The following ADGRL2 variants were observed in gnomAD, a reference collection of about 807,000 sequenced individuals.
ADGRL2 encodes the protein calcium-independent alpha-latrotoxin receptor 2.
ADGRL2 carries 44 observed loss-of-function variants against 157.4 expected under a neutral mutation model. The ratio of observed to expected loss-of-function variants is 0.28; its 90% confidence interval spans 0.22 to 0.36. The LOEUF (loss-of-function observed/expected upper bound fraction) is 0.36. Among genes scored for constraint, ADGRL2 ranks in the 10% least tolerant of loss-of-function variants. The probability of loss-of-function intolerance (pLI) is 1.00; values close to 1 mark genes in which losing one functional copy is unlikely to be tolerated. For missense variants in ADGRL2, 1,510 were observed against 1,768.9 expected, an observed-to-expected ratio of 0.85 and a Z score of 2.63; for synonymous variants, 585 against 624.7, an observed-to-expected ratio of 0.94 and a Z score of 0.95.
intron 3 of ADGRL2, among the ~76,000 whole-genome samples, chr1:81,648,744 C>T (rs150499154): frequency 2.3e-4 from 35 of 152,220 alleles, no homozygotes; most frequent in African/African-American, 8.4e-4. Flanking sequence ...TTCATTCTAA[C>T]CAACCCATTT....
chr1:81,327,883 C>T (rs1238594580), intron 1 of ADGRL2, among the ~76,000 whole-genome samples: 1 of 152,026 alleles, frequency 6.6e-6, no homozygotes, highest in Admixed American at 6.6e-5. Flanking sequence ...TGGACAAGGC[C>T]CATTAGTTGC....
chr1:81,720,467 C>T (rs866160334), intron 1 of ADGRL2, among the ~76,000 whole-genome samples: 7 of 151,968 alleles, frequency 4.6e-5, no homozygotes, highest in South Asian at 2.1e-4. Context: ...TCACTGCGCC[C>T]GGCCAAAGCA....
intron 3 of ADGRL2, among the ~76,000 whole-genome samples, chr1:81,673,367 C>G (rs2082913249): frequency 1.3e-5 from 2 of 152,010 alleles, no homozygotes; most frequent in Non-Finnish European, 1.5e-5. Flanking sequence ...CTGTATTTCT[C>G]TAGTCAGAAT....
intron 1 of ADGRL2, among the ~76,000 whole-genome samples, chr1:81,835,326 G>T (rs919219470): frequency 6.6e-6 from 1 of 152,002 alleles, no homozygotes; most frequent in Non-Finnish European, 1.5e-5. Context: ...TCAGATCATC[G>T]AACAGACTGT....
intron 17 of ADGRL2, among the ~76,000 whole-genome samples, chr1:81,974,216 G>A (rs986619746): frequency 1.3e-5 from 2 of 152,106 alleles, no homozygotes; most frequent in Admixed American, 1.3e-4. Context: ...TCCTACTTCT[G>A]CATTTCTATA....
chr1:81,344,930 A>G (rs80314353), intron 1 of ADGRL2, among the ~76,000 whole-genome samples: 1 of 152,172 alleles, frequency 6.6e-6, no homozygotes, highest in South Asian at 2.1e-4. Flanking sequence ...TCATTCATCA[A>G]TAATAAATTC....
Position 81,991,667 on chromosome 1 carries a change from A to G in ADGRL2, c.*522A>G, listed in dbSNP as rs1664612176. On this transcript the variant is annotated 3_prime_UTR_variant, in exon 24 of 24. Coordinates refer to ENST00000686636, the MANE Select transcript of ADGRL2 (RefSeq NM_001366006.2). ...TCTTTTACATTAAGGCAAAGATTGA[A>G]AACATGCTTAACCACTAGCAATCAA... 1 of 153,244 alleles carries G rather than the reference A, an allele frequency of 6.5e-6. No homozygotes were observed. The highest frequency in any genetic ancestry group is 2.4e-5 in the African/African-American group (1 of 41,466). 9.5% of individuals were successfully genotyped at this position (153,244 alleles called of 1,614,324 possible).
In ADGRL2 at chr1:81,722,434, C is replaced by A. The variant is rs76632742; in HGVS notation, c.-143+22626C>A. 3,274 of 1,191,132 alleles carry A rather than the reference C, an allele frequency of 2.7e-3. 62 individuals carry two copies. The African/African-American group carries it at 0.044, about 16-fold the overall frequency. 73.8% of individuals were successfully genotyped at this position (1,191,132 alleles called of 1,614,324 possible). A position where few individuals can be genotyped will look rare whatever the true frequency, so the allele number is the denominator to read the frequency against. On this transcript the variant is annotated intron_variant, in intron 1 of 20. Transcript: ENST00000359929. ...CAAATGCCATTAAGCTGAATTTGCG[C>A]TTGGCCGTTTTGTATGCCAAGAGGG...
At chr1:81,852,223 TG>T (rs2093038624) in intron 2 of ADGRL2, among the ~76,000 whole-genome samples, 1 of 152,094 alleles carries the variant, frequency 6.6e-6, no homozygotes, top group Non-Finnish European at 1.5e-5. Context: ...GGTTTACATT[TG>T]TTTTAGAAAG....
intron 2 of ADGRL2, among the ~76,000 whole-genome samples, chr1:81,561,654 T>G (rs2080445543): frequency 6.6e-6 from 1 of 152,010 alleles, no homozygotes; most frequent in African/African-American, 2.4e-5. Context: ...GAGACAGGGT[T>G]TCACCATGTT....
chr1:81,676,001 GTTTTTTGTTTTT>G (rs562516341), intron 3 of ADGRL2, among the ~76,000 whole-genome samples: 111 of 152,092 alleles, frequency 7.3e-4, no homozygotes, highest in Non-Finnish European at 1.5e-3. Flanking sequence ...TTTTTGTCTT[GTTTTTTGTTTTT>G]GTTTTGAGAC....
At chr1:81,346,622 C>T (rs1227763700) in intron 1 of ADGRL2, among the ~76,000 whole-genome samples, 2 of 152,160 alleles carry the variant, frequency 1.3e-5, no homozygotes, top group Admixed American at 6.5e-5. Flanking sequence ...CTCACTTTCT[C>T]TCCCCACTCC....
At chr1:81,393,762 A>G (rs1408090207) in intron 1 of ADGRL2, among the ~76,000 whole-genome samples, 1 of 152,082 alleles carries the variant, frequency 6.6e-6, no homozygotes, top group African/African-American at 2.4e-5. Context: ...ATAATAAATA[A>G]ACCTTAAACA....
intron 2 of ADGRL2, among the ~76,000 whole-genome samples, chr1:81,541,133 C>T (rs2079873910): frequency 6.6e-6 from 1 of 152,246 alleles, no homozygotes; most frequent in East Asian, 1.9e-4. Context: ...AATAATCTTA[C>T]AAGAACTTCT....
chr1:81,649,096 A>G (rs2082364647), intron 3 of ADGRL2, among the ~76,000 whole-genome samples: 1 of 152,124 alleles, frequency 6.6e-6, no homozygotes, highest in African/African-American at 2.4e-5. Flanking sequence ...AAGGAAGTTC[A>G]TTTTGGAACT....
At chr1:81,696,225 T>A (rs1235356415), upstream of ADGRL2, among the ~76,000 whole-genome samples, 1 of 152,174 alleles carries the variant, frequency 6.6e-6, no homozygotes, top group Non-Finnish European at 1.5e-5. Context: ...CTATGTAGAT[T>A]TTTTTTTCAA....
chr1:81,388,926 G>A (rs144308423), intron 1 of ADGRL2, among the ~76,000 whole-genome samples: 185 of 152,160 alleles, frequency 1.2e-3, no homozygotes, highest in African/African-American at 4.2e-3. Context: ...CCAGCTCAAC[G>A]TAGGTAGATA....
intron 3 of ADGRL2, among the ~76,000 whole-genome samples, chr1:81,909,651 A>G (rs1426626945): frequency 6.6e-6 from 1 of 152,158 alleles, no homozygotes; most frequent in African/African-American, 2.4e-5. Flanking sequence ...GCCATCTTCA[A>G]ATAGTATACA....
chr1:81,509,372 T>TA (rs113097084), intron 2 of ADGRL2, among the ~76,000 whole-genome samples: 3,431 of 144,478 alleles, frequency 0.024, 71 homozygotes, highest in African/African-American at 0.052. Context: ...AGTGATATGG[T>TA]AAAAAAAAAA....
Sources: gnomAD v4.1 joint callset for allele counts (sites outside exome capture counted in the v4.1 genomes callset) on GRCh38, gnomAD v4.1.1 for gene constraint, MANE v1.5 for transcripts, NCBI Gene and HGNC (gene_info 2026-07-23, HGNC 2026-07-21) for gene names.